The following PTPRU variants were observed in gnomAD, a reference collection of about 807,000 sequenced individuals.
PTPRU encodes the protein protein tyrosine phosphatase receptor type U.
In PTPRU, 69 loss-of-function variants were observed where a neutral mutation model predicts 166.3. That is an observed-to-expected ratio of 0.41 (90% CI 0.34 to 0.51). The LOEUF (loss-of-function observed/expected upper bound fraction) is 0.51. Ranked by LOEUF, PTPRU falls within the 20% of genes least tolerant of loss-of-function variation. The pLI, the probability that PTPRU is intolerant of heterozygous loss-of-function variation, is 0.09. For synonymous variants in PTPRU, 793 were observed against 814.0 expected, an observed-to-expected ratio of 0.97 and a Z score of 0.44; for missense variants, 1,657 against 2,013.7, an observed-to-expected ratio of 0.82 and a Z score of 3.39.
chr1:29,245,769 C>T (rs1017658559), intron 1 of PTPRU, among the ~76,000 whole-genome samples: 1 of 152,176 alleles, frequency 6.6e-6, no homozygotes, highest in Non-Finnish European at 1.5e-5. Flanking sequence ...GTGAATTCTC[C>T]TGGGTTTCTG....
chr1:29,261,741 C>T (rs1685075521), intron 7 of PTPRU, among the ~76,000 whole-genome samples: 1 of 151,946 alleles, frequency 6.6e-6, no homozygotes, highest in East Asian at 1.9e-4. Context: ...CCAGGTTGGC[C>T]AGGCTGGTCA....
At position 29,312,711 on chromosome 1, in the gene PTPRU, G is replaced by C; in HGVS notation, c.3227+5G>C. 1 of 1,597,014 alleles carries C rather than the reference G, an allele frequency of 6.3e-7. No homozygotes were observed. Among genetic ancestry groups the C allele is most frequent in the Non-Finnish European group, 8.6e-7 (1 of 1,167,206 alleles). ...GCCCATTGTCATCCACTGCAGGTGG[G>C]GGCACCGGGAATCCCAAGGAGAAAA... On this transcript the variant is annotated splice_donor_5th_base_variant and intron_variant, in intron 22 of 29. Coordinates refer to ENST00000373779, the MANE Select transcript of PTPRU (RefSeq NM_133178.4).
rs1427292678 is a variant in PTPRU, at chr1:29,325,965, G to A, written c.*304G>A. 4.0e-5 allele frequency: 18 copies of A among 448,310 alleles called. No individual in the cohort carries two copies. In the Middle Eastern group the frequency reaches 1.6e-3, roughly 41 times the overall value. 27.8% of individuals were successfully genotyped at this position (448,310 alleles called of 1,614,324 possible). On this transcript the variant is annotated 3_prime_UTR_variant, in exon 30 of 30. Transcript: ENST00000373779. ...TGGCAGAGTGACAAAGGCTCAGGAC[G>A]GCTGGCTCTGGGGGACTCAGGCCAA...
At chr1:29,284,981 G>C in intron 14 of PTPRU, 112 bp downstream of exon 14, 1 of 1,389,894 alleles carries the variant, frequency 7.2e-7, no homozygotes, top group Non-Finnish European at 9.7e-7. Flanking sequence ...CAGGTGTGTG[G>C]AGGGCTGCCA....
rs1251629393 is a variant in PTPRU at position 29,259,995 on chromosome 1, G to C, written c.801G>C (p.Gln267His). The C allele has an allele frequency of 6.6e-7, 1 of 1,504,846 alleles. No individual in the cohort carries two copies. The highest frequency in any genetic ancestry group is 8.8e-7 in the Non-Finnish European group (1 of 1,136,022). 93.2% of individuals were successfully genotyped at this position (1,504,846 alleles called of 1,614,324 possible). ...AEQDLYRCVSQAPRGAGVSNF... is the reference protein window; with the variant it reads ...AEQDLYRCVSHAPRGAGVSNF... ...AGGACCTGTACCGCTGTGTGTCCCA[G>C]GCCCCGCGCGGCGCGGGCGTCTCTA... The change falls in exon 6 of 30, where the codon CAG (glutamine) becomes CAC (histidine). Residue 267 changes from glutamine (Q) to histidine (H), a missense_variant. Gln to His is a conservative substitution (Grantham distance 24). Transcript: ENST00000373779.
chr1:29,292,182 A>G (rs771637444), intron 15 of PTPRU, among the ~76,000 whole-genome samples, 156 bp downstream of exon 15: 1 of 152,248 alleles, frequency 6.6e-6, no homozygotes, highest in Non-Finnish European at 1.5e-5. Context: ...TAGAGCCAGC[A>G]CAGGTGGCGT....
In PTPRU at chr1:29,320,553, GA is replaced by G; in HGVS notation, c.3688-131del. 1 of 1,101,778 alleles carries G rather than the reference GA, an allele frequency of 9.1e-7. No individual in the cohort carries two copies. The allele number at this position is 1,101,778 out of a possible 1,614,324, so 68.3% of individuals were successfully genotyped here. On this transcript the variant is annotated intron_variant, in intron 25 of 29. Coordinates refer to ENST00000373779, the MANE Select transcript of PTPRU (RefSeq NM_133178.4). The surrounding 1 kb of genome is among the most constrained non-coding windows in gnomAD (Gnocchi z 5.2). ...AACCAACATCAGAAATGGCCCACTG[GA>G]GGCAGCCTGGTCCTGTGGGGCACAA... is the stretch of plus-strand genomic sequence containing the variant.
chr1:29,263,188 T>C (rs1685149360), intron 7 of PTPRU, among the ~76,000 whole-genome samples: 1 of 152,218 alleles, frequency 6.6e-6, no homozygotes, highest in Non-Finnish European at 1.5e-5. Context: ...TTTGGCCATG[T>C]TGGCCAGGCT....
rs1683845784 is a variant in PTPRU, at chr1:29,237,837, G to T, written c.73+1120G>T. Among the ~76,000 whole-genome samples, 1 of 145,884 alleles carries T rather than the reference G, an allele frequency of 6.9e-6. No homozygotes were observed. Among genetic ancestry groups the T allele is most frequent in the Non-Finnish European group, 1.5e-5 (1 of 65,642 alleles). On this transcript the variant is annotated intron_variant, in intron 1 of 29. Coordinates refer to ENST00000373779, the MANE Select transcript of PTPRU (RefSeq NM_133178.4). This position sits in a 1 kb window ranked among gnomAD's most constrained non-coding sequence, Gnocchi z 6.4. Reference sequence around the variant, plus strand: ...GCAGGGGAGGGCCGGACCGGCGGGCGCTCCTGCGGTGGCCGGGCCGCGGCT... The same window carrying T: ...GCAGGGGAGGGCCGGACCGGCGGGCTCTCCTGCGGTGGCCGGGCCGCGGCT...
At position 29,265,667 on chromosome 1, in the gene PTPRU, A is replaced by G. The variant is rs537385394; in HGVS notation, c.1144+4764A>G. On this transcript the variant is annotated intron_variant, in intron 7 of 29. Transcript: ENST00000373779. Reference sequence around the variant, plus strand: ...CATGAGCCACGGCACCTGGACAAACATCTTTTCATGTGCTGTTTGCCATCT... The same window carrying G: ...CATGAGCCACGGCACCTGGACAAACGTCTTTTCATGTGCTGTTTGCCATCT... 3.3e-5 allele frequency among the ~76,000 whole-genome samples: 5 copies of G among 152,208 alleles called. No homozygotes were observed. The East Asian group carries it at 9.7e-4, about 29-fold the overall frequency.
In PTPRU at chr1:29,275,643, G is replaced by A. The variant is rs775032590; in HGVS notation, c.1340G>A (p.Arg447His). The A allele has an allele frequency of 6.8e-6, 11 of 1,613,976 alleles. No homozygotes were observed. The highest frequency in any genetic ancestry group is 4.0e-5 in the African/African-American group (3 of 74,888). ...GTGAAGACAGAGCAAGGTGTCAGCCGCTACACCATCAAGAACCTGCTGCCC... is the reference window on the plus strand; with the variant it reads ...GTGAAGACAGAGCAAGGTGTCAGCCACTACACCATCAAGAACCTGCTGCCC... ...ECVKTEQGVSRYTIKNLLPYR... is the reference protein window; with the variant it reads ...ECVKTEQGVSHYTIKNLLPYR... The change falls in exon 8 of 30, where the codon CGC becomes CAC. Residue 447 changes from arginine (R) to histidine (H), a missense_variant. This residue lies in a region of PTPRU where 1,190 missense variants were observed against 1,477.4 expected (regional missense o/e 0.81). Transcript: ENST00000373779.
chr1:29,272,962 T>C (rs1284641911), intron 7 of PTPRU, among the ~76,000 whole-genome samples: 1 of 151,644 alleles, frequency 6.6e-6, no homozygotes, highest in Non-Finnish European at 1.5e-5. Context: ...GTACTTAATC[T>C]TCTTAAGAGA....
intron 22 of PTPRU, among the ~76,000 whole-genome samples, chr1:29,313,001 C>T (rs577767022): frequency 3.3e-5 from 5 of 152,220 alleles, no homozygotes; most frequent in Non-Finnish European, 7.3e-5. Flanking sequence ...CGATTGAGTT[C>T]TGCCTGCTTT....
chr1:29,301,837 G>C (rs1046174427), intron 15 of PTPRU, among the ~76,000 whole-genome samples: 1 of 152,094 alleles, frequency 6.6e-6, no homozygotes, highest in African/African-American at 2.4e-5. Context: ...TGTGATGTTT[G>C]GTTTTCTGTC....
At chr1:29,270,200 T>G (rs1209646371) in intron 7 of PTPRU, among the ~76,000 whole-genome samples, 1 of 152,160 alleles carries the variant, frequency 6.6e-6, no homozygotes, top group Non-Finnish European at 1.5e-5. Flanking sequence ...TATAGACTGG[T>G]AATGACTGTA....
intron 7 of PTPRU, among the ~76,000 whole-genome samples, chr1:29,272,982 G>A (rs1223055842): frequency 2.6e-5 from 4 of 151,802 alleles, no homozygotes; most frequent in African/African-American, 9.7e-5. Flanking sequence ...ATTGTATAGC[G>A]GTGCTTTCTC....
At chr1:29,314,301 C>T (rs559228183) in intron 22 of PTPRU, among the ~76,000 whole-genome samples, 2 of 152,298 alleles carry the variant, frequency 1.3e-5, no homozygotes, top group Admixed American at 6.5e-5. Context: ...GAACGTTCAG[C>T]TTTAGGAGAT....
chr1:29,245,858 G>C (rs1272851600), intron 1 of PTPRU, among the ~76,000 whole-genome samples: 6 of 152,216 alleles, frequency 3.9e-5, no homozygotes, highest in Admixed American at 3.3e-4. Flanking sequence ...TTGTGTCATA[G>C]AGCATTTATA....
Position 29,258,521 on chromosome 1 carries a change from C to T in PTPRU, c.222C>T (p.Val74=), listed in dbSNP as rs146315626. 3.0e-4 allele frequency: 485 copies of T among 1,613,634 alleles called. 1 individual carries two copies. Among genetic ancestry groups the T allele is most frequent in the Non-Finnish European group, 3.7e-4 (439 of 1,179,800 alleles). Residue 74 remains valine (V), a synonymous_variant, in exon 3 of 30, where the codon GTC becomes GTT. Transcript: ENST00000373779. ...ADLPHGSYLM[V]NTSQHAPGQR... is the part of the protein sequence containing the mutation. ...TCTTTCCAGGCTCCTACTTGATGGTCAACACTTCCCAGCATGCCCCAGGCC... is the reference window on the plus strand; with the variant it reads ...TCTTTCCAGGCTCCTACTTGATGGTTAACACTTCCCAGCATGCCCCAGGCC...
Sources: allele counts gnomAD v4.1 joint callset (sites outside exome capture counted in the v4.1 genomes callset), GRCh38; gene constraint gnomAD v4.1.1; regional missense constraint gnomAD v4.1.1; non-coding constraint Gnocchi (gnomAD v3.1); transcripts MANE v1.5; gene names NCBI Gene and HGNC (gene_info 2026-07-23, HGNC 2026-07-21).